WNK1: variants seen among roughly 807,000 people sequenced by gnomAD.
The protein encoded by WNK1 is WNK lysine deficient protein kinase 1.
WNK1 carries 38 observed loss-of-function variants against 222.8 expected under a neutral mutation model. The ratio of observed to expected loss-of-function variants is 0.17; its 90% CI spans 0.13 to 0.22. WNK1 has a LOEUF of 0.22. Among genes scored for constraint, WNK1 ranks in the 10% least tolerant of loss-of-function variants. The pLI, the probability that WNK1 is intolerant of heterozygous loss-of-function variation, is 1.00. For missense variants in WNK1, 2,348 were observed against 2,918.4 expected (o/e 0.80, Z 4.50); for synonymous variants, 1,090 against 1,092.9 (o/e 1.00, Z 0.05).
At chr12:891,593 A>G (rs975321196) in intron 22 of WNK1, among the ~76,000 whole-genome samples, 1 of 142,466 alleles carries the variant, frequency 7.0e-6, no homozygotes, top group African/African-American at 2.6e-5. Flanking sequence ...TCATAAGGGG[A>G]TTTTTTTTCT....
At chr12:869,988 A>G (rs1466205086) in intron 8 of WNK1, among the ~76,000 whole-genome samples, 1 of 152,224 alleles carries the variant, frequency 6.6e-6, no homozygotes. Context: ...AAGTACAGTC[A>G]GTGTTTACTG....
intron 1 of WNK1, among the ~76,000 whole-genome samples, chr12:789,325 G>A (rs1944620503): frequency 6.6e-6 from 1 of 152,068 alleles, no homozygotes; most frequent in South Asian, 2.1e-4. Context: ...ACTATGTATA[G>A]GTAGATAAGA....
rs569516265 is a variant in WNK1 at position 856,892 on chromosome 12, AAC to A, written c.1312-265_1312-264del. ...TTAGGCAATAAATTCCTTTACTTGA[AAC>A]ACAGCAGAAGATATTAACATCTGCC... On this transcript the variant is annotated intron_variant, in intron 4 of 27. Transcript: ENST00000315939. 3.9e-5 allele frequency among the ~76,000 whole-genome samples: 6 copies of A among 152,342 alleles called. No individual in the cohort carries two copies. In the South Asian group the frequency reaches 1.2e-3, roughly 32 times the overall value.
At chr12:794,552 G>A (rs1009879269) in intron 1 of WNK1, among the ~76,000 whole-genome samples, 3 of 148,694 alleles carry the variant, frequency 2.0e-5, no homozygotes, top group Admixed American at 6.7e-5. Flanking sequence ...TGCTTTTTCT[G>A]TGTCTATGGA....
Position 878,328 on chromosome 12 carries a change from A to G in WNK1, c.2340A>G (p.Pro780=), listed in dbSNP as rs376384241. 6.8e-6 allele frequency: 11 copies of G among 1,613,682 alleles called. No homozygotes were observed. The highest frequency in any genetic ancestry group is 1.3e-5 in the African/African-American group (1 of 74,796). The change falls in exon 10 of 28, where the codon CCA becomes CCG. Residue 780 remains proline, a synonymous_variant. Transcript: ENST00000315939. ...TAQPVSQPQA[P]QVLPQVSAGK... is the part of the protein sequence containing the mutation. ...AGCCAGTGAGTCAGCCTCAAGCTCC[A>G]CAAGTCTTGCCTCAAGTATCAGCTG...
At chr12:906,038 C>T (rs920756335) in intron 26 of WNK1, among the ~76,000 whole-genome samples, 1 of 152,118 alleles carries the variant, frequency 6.6e-6, no homozygotes, top group African/African-American at 2.4e-5. Flanking sequence ...TTGAGACCAG[C>T]GATGGTCAGT....
intron 4 of WNK1, among the ~76,000 whole-genome samples, chr12:850,524 G>C (rs10849569): frequency 0.6 from 85,525 of 142,440 alleles, 24,085 homozygotes; most frequent in East Asian, 0.79. Context: ...TAGGTTGCCT[G>C]TTCACTCTGA....
At chr12:836,428 T>A (rs544311785) in intron 4 of WNK1, among the ~76,000 whole-genome samples, 2 of 152,220 alleles carry the variant, frequency 1.3e-5, no homozygotes, top group Non-Finnish European at 2.9e-5. Context: ...GACATATAAC[T>A]AGATTGACTC....
chr12:796,362 A>G (rs1022042378), intron 1 of WNK1, among the ~76,000 whole-genome samples: 2 of 152,200 alleles, frequency 1.3e-5, no homozygotes, highest in African/African-American at 4.8e-5. Flanking sequence ...TATAGGAACC[A>G]GAGAAATTAT....
chr12:835,843 A>G (rs974839463), intron 4 of WNK1, among the ~76,000 whole-genome samples: 6 of 152,172 alleles, frequency 3.9e-5, no homozygotes, highest in African/African-American at 1.4e-4. Flanking sequence ...AGTTGCAGCT[A>G]CTTGGGAGGC....
intron 9 of WNK1, among the ~76,000 whole-genome samples, chr12:877,159 G>A (rs1292398479): frequency 6.8e-6 from 1 of 146,832 alleles, no homozygotes; most frequent in Non-Finnish European, 1.5e-5. Flanking sequence ...CGCCTCCCAG[G>A]TTCAAGCAAT....
At chr12:892,372 A>G (rs1200837301) in intron 22 of WNK1, among the ~76,000 whole-genome samples, 1 of 152,198 alleles carries the variant, frequency 6.6e-6, no homozygotes, top group Admixed American at 6.5e-5. Context: ...TGGACAATAC[A>G]TAAATAAATG....
At chr12:776,412 T>TTGTG (rs59148357) in intron 1 of WNK1, among the ~76,000 whole-genome samples, 11,660 of 146,136 alleles carry the variant, frequency 0.08, 830 homozygotes, top group African/African-American at 0.18. Flanking sequence ...GTTTGTGTGT[T>TTGTG]TGTGTGTGTG....
chr12:892,414 A>G (rs1954339045), intron 22 of WNK1, among the ~76,000 whole-genome samples: 1 of 152,200 alleles, frequency 6.6e-6, no homozygotes, highest in Admixed American at 6.5e-5. Flanking sequence ...TATTTACAAA[A>G]ACAGGCAGTA....
In WNK1 at chr12:757,321, TTTTTTTTTTTTTAA is replaced by T. The variant is rs1393519918; in HGVS notation, c.759+2998_759+3011del. Among the ~76,000 whole-genome samples, 42 of 99,114 alleles carry T rather than the reference TTTTTTTTTTTTTAA, an allele frequency of 4.2e-4. 1 individual carries two copies. In the East Asian group the frequency reaches 0.012, roughly 28 times the overall value. 65.0% of individuals were successfully genotyped at this position (99,114 alleles called of 152,430 possible). A position where few individuals can be genotyped will look rare whatever the true frequency, so the allele number is the denominator to read the frequency against. Reference sequence around the variant, plus strand: ...ACAAGCATCAATTCTTTTTTTTTTTTTTTTTTTTTTTTAAAAAAAAAAAGAGACGGAGTCTTGCT... The same window carrying T: ...ACAAGCATCAATTCTTTTTTTTTTTTAAAAAAAAAGAGACGGAGTCTTGCT... On this transcript the variant is annotated intron_variant, in intron 1 of 27. Coordinates refer to ENST00000315939, the MANE Select transcript of WNK1 (RefSeq NM_018979.4).
chr12:769,800 A>C (rs1942251980), intron 1 of WNK1, among the ~76,000 whole-genome samples: 1 of 152,158 alleles, frequency 6.6e-6, no homozygotes, highest in Non-Finnish European at 1.5e-5. Flanking sequence ...TAGGCCTAGA[A>C]GTCCAGGCAA....
chr12:825,573 A>T (rs1315382033), intron 2 of WNK1, among the ~76,000 whole-genome samples: 2 of 152,210 alleles, frequency 1.3e-5, no homozygotes, highest in Non-Finnish European at 2.9e-5. Context: ...AAGTACATAG[A>T]TAAGTCATTA....
rs1949225880 is a variant in WNK1 at position 836,870 on chromosome 12, A to ATT, written c.1311+6710_1311+6711insTT. On this transcript the variant is annotated intron_variant, in intron 4 of 27. Coordinates refer to ENST00000315939, the MANE Select transcript of WNK1 (RefSeq NM_018979.4). ...CTTGATTGATTCTCTGCATGGCATA[A>ATT]CGTGCCAAGTCAGAGTATTAATCAG... 2.0e-5 allele frequency among the ~76,000 whole-genome samples: 3 copies of ATT among 152,156 alleles called. No individual in the cohort carries two copies. In the East Asian group the frequency reaches 5.8e-4, roughly 29 times the overall value.
At chr12:860,809 AC>A (rs1190529430) in intron 6 of WNK1, among the ~76,000 whole-genome samples, 1 of 152,080 alleles carries the variant, frequency 6.6e-6, no homozygotes, top group Non-Finnish European at 1.5e-5. Flanking sequence ...GGTGGTACCC[AC>A]CCCTCAAGTA....
Sources: allele counts gnomAD v4.1 joint callset (sites outside exome capture counted in the v4.1 genomes callset), GRCh38; gene constraint gnomAD v4.1.1; transcripts MANE v1.5; gene names NCBI Gene and HGNC (gene_info 2026-07-23, HGNC 2026-07-21).